The following SKAP2 variants were observed in gnomAD, a reference collection of about 807,000 sequenced individuals.
SKAP2 encodes the protein src kinase-associated phosphoprotein 2.
Under a neutral mutation model 54.9 loss-of-function variants are expected in SKAP2, and 28 were observed. The ratio of observed to expected loss-of-function variants is 0.51; its 90% CI spans 0.38 to 0.70. SKAP2 has a LOEUF of 0.70. SKAP2 is among the 30% of genes least tolerant of loss of function. The pLI is 0.00. For missense variants in SKAP2, 356 were observed against 424.1 expected, an observed-to-expected ratio of 0.84 and a Z score of 1.41; for synonymous variants, 137 against 134.3, an observed-to-expected ratio of 1.02 and a Z score of -0.14.
chr7:26,767,357 CT>C (rs1783083022), intron 4 of SKAP2, among the ~76,000 whole-genome samples: 1 of 152,146 alleles, frequency 6.6e-6, no homozygotes, highest in Admixed American at 6.5e-5. Context: ...ATTCTCTTCT[CT>C]TTTCTTCTTG....
At chr7:26,679,319 CACAA>C (rs1786430379) in intron 11 of SKAP2, among the ~76,000 whole-genome samples, 1 of 152,178 alleles carries the variant, frequency 6.6e-6, no homozygotes, top group Admixed American at 6.5e-5. Context: ...GCATATTGTT[CACAA>C]ACAGATAACA....
At chr7:26,712,234 T>C (rs537162885) in intron 9 of SKAP2, among the ~76,000 whole-genome samples, 131 of 152,314 alleles carry the variant, frequency 8.6e-4, no homozygotes, top group African/African-American at 2.9e-3. Context: ...AATACTCCAA[T>C]GAGCATTTCC....
chr7:26,804,090 A>G (rs1390472379), intron 4 of SKAP2, among the ~76,000 whole-genome samples: 1 of 152,200 alleles, frequency 6.6e-6, no homozygotes, highest in East Asian at 1.9e-4. Flanking sequence ...ACTTAATTGT[A>G]TATTTTAAAA....
At position 26,667,832 on chromosome 7, in the gene SKAP2, AT is replaced by A. The variant is rs1358407513; in HGVS notation, c.*1833del. The A allele has an allele frequency of 6.6e-6, 1 of 152,376 alleles. No individual in the cohort carries two copies. The highest frequency in any genetic ancestry group is 2.4e-5 in the African/African-American group (1 of 41,460). The allele number at this position is 152,376 out of a possible 1,614,324, so 9.4% of individuals were successfully genotyped here. A position where few individuals can be genotyped will look rare whatever the true frequency, so the allele number is the denominator to read the frequency against. ...CCAAATCCACAAAGGCTACATTGTCATGGGAAACAACGGCTTTTGCTTTTCA... is the reference window on the plus strand; with the variant it reads ...CCAAATCCACAAAGGCTACATTGTCAGGGAAACAACGGCTTTTGCTTTTCA... On this transcript the variant is annotated 3_prime_UTR_variant, in exon 13 of 13. Coordinates refer to ENST00000345317, the MANE Select transcript of SKAP2 (RefSeq NM_003930.5).
intron 6 of SKAP2, among the ~76,000 whole-genome samples, chr7:26,735,492 T>C (rs1423087950): frequency 1.3e-5 from 2 of 152,222 alleles, no homozygotes; most frequent in African/African-American, 4.8e-5. Context: ...GGAACTACTC[T>C]TTCTAAGCCA....
chr7:26,812,367 C>T (rs1784164609), intron 4 of SKAP2, among the ~76,000 whole-genome samples: 1 of 152,120 alleles, frequency 6.6e-6, no homozygotes. Flanking sequence ...AATCCCAAAA[C>T]ATGTTTCAAG....
chr7:26,843,485 C>T (rs1414129156), intron 4 of SKAP2, among the ~76,000 whole-genome samples: 2 of 152,012 alleles, frequency 1.3e-5, no homozygotes, highest in African/African-American at 2.4e-5. Context: ...TCAGTTAATA[C>T]AAACACTGCA....
At chr7:26,742,255 T>C (rs1377602910) in intron 4 of SKAP2, 4 of 152,158 alleles carry the variant, frequency 2.6e-5, no homozygotes, top group South Asian at 4.1e-4. Flanking sequence ...CTCACTTCCA[T>C]TGGGCATAAT....
chr7:26,744,676 T>G (rs1782524578), intron 4 of SKAP2, among the ~76,000 whole-genome samples: 1 of 151,898 alleles, frequency 6.6e-6, no homozygotes. Flanking sequence ...TACACTATAT[T>G]CCAGGGTCTT....
At chr7:26,855,344 T>C (rs1017244319) in intron 1 of SKAP2, among the ~76,000 whole-genome samples, 1 of 152,078 alleles carries the variant, frequency 6.6e-6, no homozygotes, top group Non-Finnish European at 1.5e-5. Flanking sequence ...AAGGGTCTGT[T>C]TTCCCTAGTA....
intron 3 of SKAP2, among the ~76,000 whole-genome samples, chr7:26,852,442 A>G (rs1215190430): frequency 6.6e-6 from 1 of 152,186 alleles, no homozygotes; most frequent in African/African-American, 2.4e-5. Flanking sequence ...ATTCATCTAC[A>G]GGCTTACTTC....
intron 1 of SKAP2, among the ~76,000 whole-genome samples, chr7:26,858,877 C>T (rs1424962192): frequency 6.6e-6 from 1 of 152,120 alleles, no homozygotes; most frequent in African/African-American, 2.4e-5. Flanking sequence ...TCACCACCCC[C>T]GACTATCAAA....
chr7:26,769,137 T>C (rs1406307317), intron 4 of SKAP2, among the ~76,000 whole-genome samples: 1 of 152,204 alleles, frequency 6.6e-6, no homozygotes, highest in African/African-American at 2.4e-5. Context: ...CCATATTTCT[T>C]GGAGGCTTTG....
chr7:26,801,993 G>GA (rs1033318005), intron 4 of SKAP2, among the ~76,000 whole-genome samples: 35 of 150,340 alleles, frequency 2.3e-4, no homozygotes, highest in African/African-American at 5.4e-4. Flanking sequence ...CCCCAAAACA[G>GA]AAAAAAAAAT....
chr7:26,715,377 A>G (rs140975603), intron 9 of SKAP2, among the ~76,000 whole-genome samples: 89 of 143,630 alleles, frequency 6.2e-4, no homozygotes, highest in African/African-American at 2.5e-3. Flanking sequence ...CTCTTGTTAA[A>G]GTTTCTTTTC....
chr7:26,822,880 C>T (rs1784410085), intron 4 of SKAP2, among the ~76,000 whole-genome samples: 1 of 149,224 alleles, frequency 6.7e-6, no homozygotes, highest in Non-Finnish European at 1.5e-5. Flanking sequence ...GAGACTCCGT[C>T]TCAAAAAAAA....
At chr7:26,837,416 T>C (rs1784737231) in intron 4 of SKAP2, among the ~76,000 whole-genome samples, 1 of 152,154 alleles carries the variant, frequency 6.6e-6, no homozygotes, top group Admixed American at 6.5e-5. Context: ...CTGCTTGGCT[T>C]CTGAGAAAGC....
At chr7:26,804,316 C>T (rs944675796) in intron 4 of SKAP2, among the ~76,000 whole-genome samples, 5 of 151,966 alleles carry the variant, frequency 3.3e-5, no homozygotes, top group African/African-American at 4.8e-5. Context: ...ACTAAATTTC[C>T]TCTGTTATCC....
At chr7:26,733,770 T>C (rs1459680248) in intron 6 of SKAP2, among the ~76,000 whole-genome samples, 1 of 152,192 alleles carries the variant, frequency 6.6e-6, no homozygotes, top group Non-Finnish European at 1.5e-5. Context: ...ATTGAAAAGA[T>C]ATTACAATGA....
Sources: allele counts gnomAD v4.1 joint callset (sites outside exome capture counted in the v4.1 genomes callset), GRCh38; gene constraint gnomAD v4.1.1; transcripts MANE v1.5; gene names NCBI Gene and HGNC (gene_info 2026-07-23, HGNC 2026-07-21).